ARHGAP29: variants seen among roughly 807,000 people sequenced by gnomAD.
ARHGAP29 encodes rho GTPase-activating protein 29.
In ARHGAP29, 43 loss-of-function variants were observed where a neutral mutation model predicts 122.6. The ratio of observed to expected loss-of-function variants is 0.35; its 90% CI spans 0.27 to 0.45. The LOEUF is 0.45. ARHGAP29 is among the 20% of genes least tolerant of loss of function. The pLI is 1.00. For missense variants in ARHGAP29, 1,303 were observed against 1,477.2 expected (o/e 0.88, Z 1.93); for synonymous variants, 506 against 497.1 (o/e 1.02, Z -0.24).
intron 1 of ARHGAP29, among the ~76,000 whole-genome samples, chr1:94,256,858 A>G (rs72964312): frequency 2.4e-4 from 37 of 151,818 alleles, no homozygotes; most frequent in African/African-American, 8.7e-4. Context: ...GCGCCTGCCC[A>G]ACAGTACTAA....
intron 2 of ARHGAP29, among the ~76,000 whole-genome samples, chr1:94,220,882 CAAT>C (rs931387786): frequency 2.6e-5 from 4 of 152,124 alleles, no homozygotes; most frequent in Admixed American, 2.0e-4. Flanking sequence ...AATTAGTTGT[CAAT>C]GATGAAAAAT....
At chr1:94,295,248 T>G in the ARHGAP29 span, among the ~76,000 whole-genome samples, 2 of 152,130 alleles carry the variant, frequency 1.3e-5, no homozygotes, top group Non-Finnish European at 2.9e-5. Context: ...TCACCAGGAT[T>G]GGGATTTTGC....
At chr1:94,272,582 C>T (rs1028592307) in intron 1 of ARHGAP29, among the ~76,000 whole-genome samples, 3 of 152,228 alleles carry the variant, frequency 2.0e-5, no homozygotes, top group Admixed American at 6.5e-5. Flanking sequence ...GGAAGTACTA[C>T]AGCTGGGTCA....
chr1:94,280,493 G>A, the ARHGAP29 span, among the ~76,000 whole-genome samples: 1 of 152,118 alleles, frequency 6.6e-6, no homozygotes, highest in African/African-American at 2.4e-5. Context: ...AAATGTACAA[G>A]TACTAAGAGA....
chr1:94,182,246 G>A (rs181831137), intron 19 of ARHGAP29, among the ~76,000 whole-genome samples: 1 of 151,982 alleles, frequency 6.6e-6, no homozygotes, highest in East Asian at 1.9e-4. Flanking sequence ...ATAGAGCTGA[G>A]GAAATCTCTT....
chr1:94,280,356 C>T, the ARHGAP29 span, among the ~76,000 whole-genome samples: 3 of 152,124 alleles, frequency 2.0e-5, no homozygotes, highest in Non-Finnish European at 4.4e-5. Flanking sequence ...GGGTGGGAGA[C>T]ACAATGCTGC....
At chr1:94,309,867 G>A in the ARHGAP29 span, among the ~76,000 whole-genome samples, 3 of 152,134 alleles carry the variant, frequency 2.0e-5, no homozygotes, top group African/African-American at 7.2e-5. Context: ...ACAAAGGGAT[G>A]TTCTTTGGGT....
chr1:94,222,774 TATAAG>T (rs1451700818), intron 2 of ARHGAP29, among the ~76,000 whole-genome samples: 2 of 152,206 alleles, frequency 1.3e-5, no homozygotes, highest in African/African-American at 4.8e-5. Context: ...CTCTAAGAGA[TATAAG>T]ATGTTAATAC....
chr1:94,268,245 G>A (rs924431042), intron 1 of ARHGAP29, among the ~76,000 whole-genome samples: 10 of 152,148 alleles, frequency 6.6e-5, no homozygotes, highest in East Asian at 5.8e-4. Flanking sequence ...AAAGATATCC[G>A]CTTTACTAAG....
chr1:94,293,716 G>A, the ARHGAP29 span, among the ~76,000 whole-genome samples: 8 of 152,098 alleles, frequency 5.3e-5, no homozygotes, highest in South Asian at 2.1e-4. Flanking sequence ...TGTGCATAGC[G>A]GGGGAGGTGT....
At chr1:94,196,256 CTTTT>C (rs917635883) in intron 12 of ARHGAP29, among the ~76,000 whole-genome samples, 1 of 91,146 alleles carries the variant, frequency 1.1e-5, no homozygotes, top group Non-Finnish European at 1.9e-5. Flanking sequence ...CCGTGTTTTT[CTTTT>C]TTTTTTTTTT....
the ARHGAP29 span, among the ~76,000 whole-genome samples, chr1:94,310,784 G>C: frequency 1.3e-5 from 2 of 152,012 alleles, no homozygotes; most frequent in African/African-American, 2.4e-5. Context: ...AGTGATAAAG[G>C]GGGGCAGGAG....
At chr1:94,247,782 T>C in intron 1 of ARHGAP29, 1 of 432,128 alleles carries the variant, frequency 2.3e-6, no homozygotes, top group Non-Finnish European at 3.1e-6. Flanking sequence ...GCCCCGCCCC[T>C]TGGAGCCCAG....
chr1:94,184,752 TCAGAAA>T, intron 18 of ARHGAP29, 114 bp downstream of exon 18: 1 of 834,882 alleles, frequency 1.2e-6, no homozygotes, highest in Non-Finnish European at 1.8e-6. Flanking sequence ...AGACCGTGTC[TCAGAAA>T]CAGAACAAAA....
chr1:94,223,292 AG>A (rs1029965670), intron 2 of ARHGAP29, among the ~76,000 whole-genome samples: 1 of 152,160 alleles, frequency 6.6e-6, no homozygotes, highest in African/African-American at 2.4e-5. Context: ...AGGTTTACTT[AG>A]TTGAGGCAAT....
upstream of ARHGAP29, among the ~76,000 whole-genome samples, chr1:94,241,386 C>T (rs1337771453): frequency 6.6e-6 from 1 of 151,978 alleles, no homozygotes; most frequent in African/African-American, 2.4e-5. Flanking sequence ...GAGGCCGAGG[C>T]GGGCGGATCA....
In ARHGAP29 at chr1:94,170,675, T is replaced by A. The variant is rs967415828; in HGVS notation, c.*3194A>T. Among the ~76,000 whole-genome samples, 2 of 152,200 alleles carry A rather than the reference T, an allele frequency of 1.3e-5. No homozygotes were observed. The highest frequency in any genetic ancestry group is 1.3e-4 in the Admixed American group (2 of 15,274). On this transcript the variant is annotated 3_prime_UTR_variant, in exon 23 of 23. Transcript: ENST00000260526. ...GTAATAATGCAAAAAATATTTTGGT[T>A]GGGATTACATTGAATCTACAAATGT...
chr1:94,281,592 A>G, the ARHGAP29 span, among the ~76,000 whole-genome samples: 1 of 152,208 alleles, frequency 6.6e-6, no homozygotes, highest in Non-Finnish European at 1.5e-5. Flanking sequence ...GAGAATTGCA[A>G]TCACACATAA....
intron 1 of ARHGAP29, chr1:94,247,756 G>A (rs1053709525): frequency 2.2e-5 from 13 of 589,136 alleles, no homozygotes; most frequent in African/African-American, 1.2e-4. Flanking sequence ...TACCGCCACG[G>A]CTGCGCCGGC....
Sources: gnomAD v4.1 joint callset for allele counts (sites outside exome capture counted in the v4.1 genomes callset) on GRCh38, gnomAD v4.1.1 for gene constraint, MANE v1.5 for transcripts, NCBI Gene and HGNC (gene_info 2026-07-23, HGNC 2026-07-21) for gene names.